TMED8: variants seen among roughly 807,000 people sequenced by gnomAD.
TMED8 encodes protein TMED8.
In TMED8, 15 loss-of-function variants were observed where a neutral mutation model predicts 32.7. That is an observed-to-expected ratio of 0.46 (90% CI 0.31 to 0.71). The LOEUF (loss-of-function observed/expected upper bound fraction) is 0.71, where lower values mean the gene tolerates loss of function less well. Ranked by LOEUF, TMED8 falls within the 30% of genes least tolerant of loss-of-function variation. TMED8 has a pLI of 0.06. For synonymous variants in TMED8, 147 were observed against 161.4 expected, an observed-to-expected ratio of 0.91 and a Z score of 0.68; for missense variants, 390 against 423.9, an observed-to-expected ratio of 0.92 and a Z score of 0.70.
At position 77,372,938 on chromosome 14, in the gene TMED8, A is replaced by T. The variant is rs1479636268; in HGVS notation, c.118+3998T>A. 6.7e-3 allele frequency among the ~76,000 whole-genome samples: 187 copies of T among 27,972 alleles called. 9 individuals carry two copies. Among genetic ancestry groups the T allele is most frequent in the African/African-American group, 0.013 (46 of 3,454 alleles). The allele number at this position is 27,972 out of a possible 152,430, so 18.4% of individuals were successfully genotyped here. ...TATATATATATATATATATATATAT[A>T]TATATATATATATATTTTTTTTTTT... is the stretch of plus-strand genomic sequence containing the variant. On this transcript the variant is annotated intron_variant, in intron 1 of 5. Transcript: ENST00000216468.
intron 1 of TMED8, among the ~76,000 whole-genome samples, chr14:77,372,906 T>TTTATATATATATATATA (rs1227686477): frequency 2.8e-5 from 1 of 35,332 alleles, no homozygotes; most frequent in Non-Finnish European, 5.1e-5. Flanking sequence ...GCCACAGATA[T>TTTATATATATATATATA]TATATATATA....
At position 77,340,175 on chromosome 14, in the gene TMED8, G is replaced by T. The variant is rs1198041574; in HGVS notation, c.*1596C>A. The T allele has an allele frequency of 1.3e-5, 2 of 152,162 alleles. No individual in the cohort carries two copies. The highest frequency in any genetic ancestry group is 4.8e-5 in the African/African-American group (2 of 41,418). 9.4% of individuals were successfully genotyped at this position (152,162 alleles called of 1,614,324 possible). On this transcript the variant is annotated 3_prime_UTR_variant, in exon 6 of 6. Transcript: ENST00000216468. ...TGCTGGACTGTACCCCAAACATGGA[G>T]TAAGGTGGCATCATCCATCTCTGAA...
intron 1 of TMED8, among the ~76,000 whole-genome samples, chr14:77,358,940 C>T (rs1415868324): frequency 1.3e-5 from 2 of 152,116 alleles, no homozygotes; most frequent in African/African-American, 2.4e-5. Flanking sequence ...CAGGGTCTTG[C>T]TGTGTGACCC....
Position 77,337,970 on chromosome 14 carries a change from T to C in TMED8, c.*3801A>G, listed in dbSNP as rs1463921937. On this transcript the variant is annotated 3_prime_UTR_variant, in exon 6 of 6. Coordinates refer to ENST00000216468, the MANE Select transcript of TMED8 (RefSeq NM_213601.3). The stretch of plus-strand genomic sequence containing the variant: ...TCCCCCAACCGGCTGAATGGACCCC[T>C]GTCTTGGCCCAGGGGATCTCAAAGG... 6.6e-6 allele frequency: 1 copy of C among 152,162 alleles called. No homozygotes were observed. The highest frequency in any genetic ancestry group is 1.5e-5 in the Non-Finnish European group (1 of 68,018). The allele number at this position is 152,162 out of a possible 1,614,324, so 9.4% of individuals were successfully genotyped here.
At chr14:77,372,358 C>G (rs1319139234) in intron 1 of TMED8, among the ~76,000 whole-genome samples, 2 of 152,168 alleles carry the variant, frequency 1.3e-5, no homozygotes, top group African/African-American at 4.8e-5. Context: ...AACCAAAAAG[C>G]AGGTTTTTTT....
At chr14:77,367,983 C>G (rs1382808044) in intron 1 of TMED8, among the ~76,000 whole-genome samples, 1 of 152,184 alleles carries the variant, frequency 6.6e-6, no homozygotes, top group Non-Finnish European at 1.5e-5. Context: ...CATGGGCCAC[C>G]GCACCCAGCC....
intron 1 of TMED8, among the ~76,000 whole-genome samples, chr14:77,370,031 G>C (rs1380948196): frequency 9.2e-5 from 14 of 152,056 alleles, no homozygotes; most frequent in African/African-American, 3.4e-4. Context: ...AATTAGCCGG[G>C]CGTGGTGGCA....
chr14:77,371,443 GA>G (rs1381689376), intron 1 of TMED8, among the ~76,000 whole-genome samples: 1 of 152,082 alleles, frequency 6.6e-6, no homozygotes, highest in Non-Finnish European at 1.5e-5. Flanking sequence ...ATGTATACTG[GA>G]AAAAAATATG....
Position 77,346,253 on chromosome 14 carries a change from G to A in TMED8, c.327+96C>T, listed in dbSNP as rs1893028661. ...AGAGGGCAAAGAGAGAATTCCGGGA[G>A]CCACCCTCGCAGTGCTTTCTAATTC... On this transcript the variant is annotated intron_variant, in intron 3 of 5. Coordinates refer to ENST00000216468, the MANE Select transcript of TMED8 (RefSeq NM_213601.3). 5.3e-6 allele frequency: 7 copies of A among 1,310,372 alleles called. No homozygotes were observed. The Admixed American group carries it at 1.0e-4, about 19-fold the overall frequency. The allele number at this position is 1,310,372 out of a possible 1,614,324, so 81.2% of individuals were successfully genotyped here.
At chr14:77,356,347 T>C (rs1893291954) in intron 1 of TMED8, among the ~76,000 whole-genome samples, 1 of 152,202 alleles carries the variant, frequency 6.6e-6, no homozygotes, top group South Asian at 2.1e-4. Context: ...AATTATTCCT[T>C]GCTATTCTTT....
At chr14:77,368,467 ATTAT>A (rs369795650) in intron 1 of TMED8, among the ~76,000 whole-genome samples, 2,727 of 151,614 alleles carry the variant, frequency 0.018, 47 homozygotes, top group Middle Eastern at 0.079. Flanking sequence ...TGTCCTTTTT[ATTAT>A]TTATTTATTT....
Position 77,341,936 on chromosome 14 carries a change from A to G in TMED8, c.813T>C (p.Gly271=). ...VERGSRSSLR[G]RYGEVMPVYR... Reference sequence around the variant, plus strand: ...ACACAGGCATGACCTCCCCATAGCGACCCCGCAAGGAGCTCCTGGAGCCTC... The same window carrying G: ...ACACAGGCATGACCTCCCCATAGCGGCCCCGCAAGGAGCTCCTGGAGCCTC... Residue 271 remains glycine, a synonymous_variant, in exon 6 of 6, where the codon GGT becomes GGC. Transcript: ENST00000216468. 6.2e-7 allele frequency: 1 copy of G among 1,613,070 alleles called. No individual in the cohort carries two copies. Among genetic ancestry groups the G allele is most frequent in the Non-Finnish European group, 8.5e-7 (1 of 1,179,762 alleles).
intron 2 of TMED8, among the ~76,000 whole-genome samples, chr14:77,346,910 A>G (rs902994892): frequency 3.9e-5 from 6 of 152,034 alleles, no homozygotes; most frequent in African/African-American, 1.4e-4. Flanking sequence ...TAACATATCC[A>G]TCCCCTCACA....
intron 1 of TMED8, among the ~76,000 whole-genome samples, chr14:77,357,604 T>G (rs1018201992): frequency 1.3e-5 from 2 of 152,252 alleles, no homozygotes; most frequent in African/African-American, 4.8e-5. Flanking sequence ...GATTTGTTCT[T>G]TGAAGTATCG....
chr14:77,358,185 A>AT (rs1893339599), intron 1 of TMED8, among the ~76,000 whole-genome samples: 3 of 78,132 alleles, frequency 3.8e-5, no homozygotes, highest in African/African-American at 1.1e-4. Context: ...AATATATCAC[A>AT]CACACACACA....
intron 3 of TMED8, among the ~76,000 whole-genome samples, chr14:77,345,968 CAAA>C (rs370981070): frequency 3.9e-5 from 3 of 76,634 alleles, no homozygotes; most frequent in African/African-American, 5.0e-5. Context: ...GACCCTGTCT[CAAA>C]AAAAAAAAAA....
Position 77,377,004 on chromosome 14 carries a change from G to A in TMED8, c.50C>T (p.Ala17Val), listed in dbSNP as rs1409055939. 1.4e-6 allele frequency: 2 copies of A among 1,427,582 alleles called. No individual in the cohort carries two copies. The highest frequency in any genetic ancestry group is 1.5e-5 in the African/African-American group (1 of 66,744). 88.4% of individuals were successfully genotyped at this position (1,427,582 alleles called of 1,614,324 possible). A position where few individuals can be genotyped will look rare whatever the true frequency, so the allele number is the denominator to read the frequency against. The change falls in exon 1 of 6, where the codon GCC becomes GTC. Residue 17 changes from alanine (A) to valine (V), a missense_variant. Transcript: ENST00000216468. Reference sequence around the variant, plus strand: ...GACGCCGCCAGCCGACCCTGGGCGGGCTGTGGGGCTCCAGGAGCCCGGCCC... The same window carrying A: ...GACGCCGCCAGCCGACCCTGGGCGGACTGTGGGGCTCCAGGAGCCCGGCCC... ...AEGPGSWSPT[A>V]RPGSAGGVGD...
intron 1 of TMED8, chr14:77,359,340 G>C (rs370851500): frequency 5.3e-6 from 1 of 189,168 alleles, no homozygotes; most frequent in African/African-American, 2.4e-5. Flanking sequence ...TCCAGGCCTC[G>C]CCCTATTTAC....
chr14:77,343,798 C>T lies in TMED8; in HGVS notation c.353G>A (p.Arg118Lys). Residue 118 changes from arginine (R) to lysine (K), a missense_variant, in exon 4 of 6, where the codon AGG becomes AAG. Coordinates refer to ENST00000216468, the MANE Select transcript of TMED8 (RefSeq NM_213601.3). ...NEMAKYQVPQRSGDIVMIQSE... is the reference protein window; with the variant it reads ...NEMAKYQVPQKSGDIVMIQSE... The stretch of plus-strand genomic sequence containing the variant: ...CTGGATCATAACGATGTCCCCAGAC[C>T]TCTGTGGAACTTGATACTTAGCCAT... The T allele has an allele frequency of 1.2e-6, 2 of 1,613,900 alleles. No individual in the cohort carries two copies. Among genetic ancestry groups the T allele is most frequent in the Non-Finnish European group, 1.7e-6 (2 of 1,179,880 alleles).
Sources: gnomAD v4.1 joint callset for allele counts (sites outside exome capture counted in the v4.1 genomes callset) on GRCh38, gnomAD v4.1.1 for gene constraint, MANE v1.5 for transcripts, NCBI Gene and HGNC (gene_info 2026-07-23, HGNC 2026-07-21) for gene names.